The following MDFI variants were observed in gnomAD, a reference collection of about 807,000 sequenced individuals.
MDFI encodes inhibitor of MyoD family a.
In MDFI, 16 loss-of-function variants were observed where a neutral mutation model predicts 22.3. That is an observed-to-expected ratio of 0.72 (90% CI 0.49 to 1.09). The LOEUF is 1.09. MDFI is among the 50% of genes least tolerant of loss of function. MDFI has a pLI of 0.00. For synonymous variants in MDFI, 145 were observed against 142.7 expected, an observed-to-expected ratio of 1.02 and a Z score of -0.12; for missense variants, 314 against 326.1, an observed-to-expected ratio of 0.96 and a Z score of 0.29.
At chr6:41,650,406 A>G (rs1375701260) in intron 4 of MDFI, among the ~76,000 whole-genome samples, 1 of 152,152 alleles carries the variant, frequency 6.6e-6, no homozygotes, top group Non-Finnish European at 1.5e-5. Context: ...AACATGGCCA[A>G]CAGCTGCCTG....
chr6:41,637,154 C>G (rs1223034508), upstream of MDFI: 1 of 152,140 alleles, frequency 6.6e-6, no homozygotes, highest in African/African-American at 2.4e-5. The surrounding 1 kb of genome is among the most constrained non-coding windows in gnomAD (Gnocchi z 6.8). Context: ...CCACCTTCCT[C>G]CGGGCCGCAA....
chr6:41,637,446 C>T (rs1767680774), upstream of MDFI, among the ~76,000 whole-genome samples: 4 of 152,182 alleles, frequency 2.6e-5, no homozygotes, highest in South Asian at 8.3e-4. The surrounding 1 kb of genome is among the most constrained non-coding windows in gnomAD (Gnocchi z 6.8). Flanking sequence ...GCGGGGAGCC[C>T]AGACGCGGCT....
rs1322100191 is a variant in MDFI at position 41,653,441 on chromosome 6, T to C, written c.607T>C (p.Cys203Arg). 1 of 1,606,806 alleles carries C rather than the reference T, an allele frequency of 6.2e-7. No homozygotes were observed. The highest frequency in any genetic ancestry group is 1.1e-5 in the South Asian group (1 of 91,084). The change falls in exon 5 of 5, where the codon TGC becomes CGC. Residue 203 changes from cysteine (C) to arginine (R), a missense_variant. Cys to Arg is a radical substitution (Grantham distance 180). Coordinates refer to ENST00000230321, the MANE Select transcript of MDFI (RefSeq NM_005586.4). This position sits in a 1 kb window ranked among gnomAD's most constrained non-coding sequence, Gnocchi z 4.2. The stretch of plus-strand genomic sequence containing the variant: ...GGAGGACTCGTGCCTCTGCTGCTGC[T>C]GCTGTGGCTCTGGCGAGTGTGCCGA... The part of the protein sequence containing the change: ...SSEDSCLCCC[C>R]CGSGECADCD...
intron 4 of MDFI, among the ~76,000 whole-genome samples, chr6:41,651,604 T>C (rs1426609281): frequency 6.6e-6 from 1 of 152,144 alleles, no homozygotes; most frequent in Non-Finnish European, 1.5e-5. Context: ...TTAAACAAGG[T>C]GGTCACCTCA....
In MDFI at chr6:41,646,165, C is replaced by A. The variant is rs1768043400; in HGVS notation, c.116C>A (p.Thr39Lys). The A allele has an allele frequency of 1.3e-6, 2 of 1,573,986 alleles. No individual in the cohort carries two copies. The highest frequency in any genetic ancestry group is 1.2e-5 in the South Asian group (1 of 85,028). Residue 39 changes from threonine to lysine, a missense_variant, in exon 3 of 5, where the codon ACA becomes AAA. Coordinates refer to ENST00000230321, the MANE Select transcript of MDFI (RefSeq NM_005586.4). ...CTCCTTCCTGGGCTGGAGGTAGTAA[C>A]AGGATCCACTCACCCTGCGGAGGCA... ...LSLLPGLEVV[T>K]GSTHPAEAAP...
At chr6:41,638,374 A>C, upstream of MDFI, 1 of 154,988 alleles carries the variant, frequency 6.5e-6, no homozygotes. The surrounding 1 kb of genome is among the most constrained non-coding windows in gnomAD (Gnocchi z 7.6). Context: ...GCGACTGAGA[A>C]GGCGAGGAGG....
chr6:41,653,742 G>T lies in MDFI; in HGVS notation c.*167G>T. The T allele has an allele frequency of 1.1e-6, 1 of 884,182 alleles. No individual in the cohort carries two copies. Among genetic ancestry groups the T allele is most frequent in the Non-Finnish European group, 1.7e-6 (1 of 592,996 alleles). The allele number at this position is 884,182 out of a possible 1,614,324, so 54.8% of individuals were successfully genotyped here. On this transcript the variant is annotated 3_prime_UTR_variant, in exon 5 of 5. Coordinates refer to ENST00000230321, the MANE Select transcript of MDFI (RefSeq NM_005586.4). The surrounding 1 kb of genome is among the most constrained non-coding windows in gnomAD (Gnocchi z 4.2). ...AGAACCCCAGCCTTGAAAATAGTGG[G>T]GGGCACTCAGAGGGGCCACCTCCTC...
chr6:41,648,042 C>CAA (rs3050046), intron 3 of MDFI, among the ~76,000 whole-genome samples: 224 of 65,328 alleles, frequency 3.4e-3, no homozygotes, highest in Middle Eastern at 9.4e-3. Context: ...GACTCCGTCT[C>CAA]AAAAAAAAAA....
chr6:41,639,628 G>A (rs1317924588), intron 2 of MDFI: 1 of 985,338 alleles, frequency 1.0e-6, no homozygotes, highest in Admixed American at 6.1e-5. Context: ...GAGAAGTCAG[G>A]AACCTCTGGG....
chr6:41,645,366 C>T (rs547945872), intron 2 of MDFI, among the ~76,000 whole-genome samples: 4 of 152,160 alleles, frequency 2.6e-5, no homozygotes, highest in Non-Finnish European at 4.4e-5. Context: ...TGCCTCCTGC[C>T]GCCCCTGCAC....
chr6:41,652,468 T>G (rs1158136866), intron 4 of MDFI, among the ~76,000 whole-genome samples: 2 of 152,098 alleles, frequency 1.3e-5, no homozygotes, highest in Non-Finnish European at 2.9e-5. Flanking sequence ...TTCTAAAGGA[T>G]CCCTCTGGCT....
intron 3 of MDFI, among the ~76,000 whole-genome samples, chr6:41,649,100 C>T (rs1189178539): frequency 6.6e-6 from 1 of 152,192 alleles, no homozygotes; most frequent in Non-Finnish European, 1.5e-5. Context: ...AGTGAGGAGC[C>T]CCTGGATTCC....
intron 3 of MDFI, among the ~76,000 whole-genome samples, chr6:41,646,701 AG>A (rs1768066925): frequency 6.6e-6 from 1 of 152,196 alleles, no homozygotes; most frequent in Non-Finnish European, 1.5e-5. Context: ...CTAGGGCGAA[AG>A]GAACAAAATT....
chr6:41,640,022 T>C, intron 2 of MDFI: 1 of 796,030 alleles, frequency 1.3e-6, no homozygotes, highest in Non-Finnish European at 1.5e-6. Context: ...GGCCAGTGTG[T>C]CTACAGCCCA....
At chr6:41,652,670 A>G (rs1408079910) in intron 4 of MDFI, among the ~76,000 whole-genome samples, 5 of 139,658 alleles carry the variant, frequency 3.6e-5, no homozygotes, top group African/African-American at 5.4e-5. Flanking sequence ...CTGGAGTGCA[A>G]TGGTGTGATC....
At chr6:41,637,618 C>T (rs1398259623), upstream of MDFI, among the ~76,000 whole-genome samples, 4 of 152,094 alleles carry the variant, frequency 2.6e-5, no homozygotes, top group Non-Finnish European at 5.9e-5. This position sits in a 1 kb window ranked among gnomAD's most constrained non-coding sequence, Gnocchi z 6.8. Context: ...GCTGAGGGCC[C>T]CTGAACCCTC....
intron 2 of MDFI, among the ~76,000 whole-genome samples, chr6:41,642,370 C>T (rs975891558): frequency 1.3e-5 from 2 of 152,194 alleles, no homozygotes; most frequent in Non-Finnish European, 2.9e-5. Flanking sequence ...CTGCCCACCC[C>T]ACACTTCCAC....
chr6:41,653,212 G>A lies in MDFI; in HGVS notation c.485-107G>A, dbSNP rs762002074. On this transcript the variant is annotated intron_variant, in intron 4 of 4. Coordinates refer to ENST00000230321, the MANE Select transcript of MDFI (RefSeq NM_005586.4). The surrounding 1 kb of genome is among the most constrained non-coding windows in gnomAD (Gnocchi z 4.2). ...GCTTCAGGCACACAGTGAACACTCA[G>A]CGTCCCTGCTGCTGCCGCTGCCGCA... The A allele has an allele frequency of 1.7e-6, 2 of 1,152,500 alleles. No homozygotes were observed. Among genetic ancestry groups the A allele is most frequent in the Non-Finnish European group, 2.5e-6 (2 of 790,628 alleles). The allele number at this position is 1,152,500 out of a possible 1,614,324, so 71.4% of individuals were successfully genotyped here. A position where few individuals can be genotyped will look rare whatever the true frequency, so the allele number is the denominator to read the frequency against.
chr6:41,645,036 G>A (rs1156632433), intron 2 of MDFI, among the ~76,000 whole-genome samples: 3 of 151,888 alleles, frequency 2.0e-5, no homozygotes, highest in African/African-American at 7.3e-5. Flanking sequence ...GCATCTCTGA[G>A]TCTCTTGTTT....
Sources: allele counts gnomAD v4.1 joint callset (sites outside exome capture counted in the v4.1 genomes callset), GRCh38; gene constraint gnomAD v4.1.1; non-coding constraint Gnocchi (gnomAD v3.1); transcripts MANE v1.5; gene names NCBI Gene and HGNC (gene_info 2026-07-23, HGNC 2026-07-21).